Variants in ZFHX3 observed in about 807,000 individuals in gnomAD.
ZFHX3 encodes zinc finger homeobox 3.
A neutral mutation model predicts 279.1 loss-of-function variants in ZFHX3; 42 were observed. The ratio of observed to expected loss-of-function variants is 0.15; its 90% CI spans 0.12 to 0.19. The LOEUF (loss-of-function observed/expected upper bound fraction) is 0.19. Among genes scored for constraint, ZFHX3 ranks in the 10% least tolerant of loss-of-function variants. The pLI, the probability that ZFHX3 is intolerant of heterozygous loss-of-function variation, is 1.00. For synonymous variants in ZFHX3, 2,293 were observed against 1,957.8 expected, an observed-to-expected ratio of 1.17 and a Z score of -4.52; for missense variants, 4,981 against 4,754.0, an observed-to-expected ratio of 1.05 and a Z score of -1.40.
chr16:73,651,009 A>G (rs941690053), intron 2 of ZFHX3, among the ~76,000 whole-genome samples: 1 of 152,240 alleles, frequency 6.6e-6, no homozygotes, highest in African/African-American at 2.4e-5. Flanking sequence ...ATCAAGGTGT[A>G]ATAAACAAAA....
Position 73,118,793 on chromosome 16 carries a change from C to A in ZFHX3, c.-897+12175G>T, listed in dbSNP as rs1966461920. Among the ~76,000 whole-genome samples the A allele has an allele frequency of 3.9e-5, 6 of 152,116 alleles. No individual in the cohort carries two copies. In the South Asian group the frequency reaches 1.2e-3, roughly 32 times the overall value. ...TTTCTGTGGAAGATAGGTATGAGTA[C>A]ATGTTGAGTAGCCAAAGGGGTGCAC... On this transcript the variant is annotated intron_variant, in intron 7 of 17. Coordinates refer to the ZFHX3 transcript ENST00000641206.
intron 2 of ZFHX3, among the ~76,000 whole-genome samples, chr16:73,658,230 G>A (rs2142172466): frequency 6.6e-6 from 1 of 152,254 alleles, no homozygotes; most frequent in South Asian, 2.1e-4. Flanking sequence ...TAAATTCATG[G>A]AAATTTTAAA....
At chr16:73,332,890 T>C (rs906763996) in intron 3 of ZFHX3, among the ~76,000 whole-genome samples, 10 of 152,192 alleles carry the variant, frequency 6.6e-5, no homozygotes, top group Non-Finnish European at 1.3e-4. Context: ...AGAGGCCAAA[T>C]TAGCAACAAA....
At chr16:73,322,642 A>C (rs2143201748) in intron 3 of ZFHX3, among the ~76,000 whole-genome samples, 1 of 152,330 alleles carries the variant, frequency 6.6e-6, no homozygotes, top group East Asian at 1.9e-4. Context: ...ACTGAACTCC[A>C]AATGTGTGGT....
chr16:73,564,213 G>A (rs1480281422), intron 2 of ZFHX3, among the ~76,000 whole-genome samples: 1 of 152,144 alleles, frequency 6.6e-6, no homozygotes, highest in Non-Finnish European at 1.5e-5. Context: ...TGAGTTTGTG[G>A]GAAATAGACG....
At chr16:73,682,375 T>A (rs1272936515) in intron 1 of ZFHX3, among the ~76,000 whole-genome samples, 3 of 152,164 alleles carry the variant, frequency 2.0e-5, no homozygotes, top group Non-Finnish European at 4.4e-5. Flanking sequence ...GGGAATGTTG[T>A]TTTGGAGAAA....
intron 2 of ZFHX3, among the ~76,000 whole-genome samples, chr16:73,568,863 C>T (rs916018533): frequency 6.6e-6 from 1 of 152,004 alleles, no homozygotes; most frequent in Non-Finnish European, 1.5e-5. Context: ...CTCTCCATGC[C>T]CCGCTGTCCG....
intron 2 of ZFHX3, among the ~76,000 whole-genome samples, chr16:73,578,701 G>C (rs952353300): frequency 2.0e-5 from 3 of 151,934 alleles, no homozygotes; most frequent in African/African-American, 7.3e-5. Context: ...TACTCGTTTT[G>C]ACTGAGGCAA....
At chr16:73,425,953 G>T (rs539258449) in intron 3 of ZFHX3, among the ~76,000 whole-genome samples, 12 of 151,776 alleles carry the variant, frequency 7.9e-5, no homozygotes, top group Non-Finnish European at 1.5e-4. Context: ...AAAAAAAAAT[G>T]CTTCTGCTTC....
At chr16:73,051,694 T>G (rs761777206), upstream of ZFHX3, among the ~76,000 whole-genome samples, 1 of 152,238 alleles carries the variant, frequency 6.6e-6, no homozygotes, top group Non-Finnish European at 1.5e-5. Context: ...AGCTGTGATT[T>G]CGGAGAGTTT....
chr16:73,221,667 C>T (rs1172748409), intron 5 of ZFHX3, among the ~76,000 whole-genome samples: 1 of 152,088 alleles, frequency 6.6e-6, no homozygotes, highest in Non-Finnish European at 1.5e-5. Flanking sequence ...TGTTTGTGTA[C>T]ATAAAGTACT....
At chr16:73,036,980 A>G (rs1964929983) in intron 1 of ZFHX3, among the ~76,000 whole-genome samples, 1 of 152,164 alleles carries the variant, frequency 6.6e-6, no homozygotes. Flanking sequence ...TTTGTAGACA[A>G]CATCCAAAAA....
At position 72,786,464 on chromosome 16, in the gene ZFHX3, T is replaced by C. The variant is rs1230730240; in HGVS notation, c.*700A>G. 6 of 150,668 alleles carry C rather than the reference T, an allele frequency of 4.0e-5. No individual in the cohort carries two copies. The highest frequency in any genetic ancestry group is 3.9e-4 in the East Asian group (2 of 5,130). 9.3% of individuals were successfully genotyped at this position (150,668 alleles called of 1,614,324 possible). Reference sequence around the variant, plus strand: ...GAGTGCTTAACTTTTCCCCTTGAAATTGGCTTCAGCAGAAAAGCTATCCTT... The same window carrying C: ...GAGTGCTTAACTTTTCCCCTTGAAACTGGCTTCAGCAGAAAAGCTATCCTT... On this transcript the variant is annotated 3_prime_UTR_variant, in exon 10 of 10. Transcript: ENST00000268489.
intron 2 of ZFHX3, among the ~76,000 whole-genome samples, chr16:73,561,866 C>G (rs1156762906): frequency 6.6e-6 from 1 of 152,152 alleles, no homozygotes; most frequent in Non-Finnish European, 1.5e-5. Flanking sequence ...ATCAGGATGA[C>G]TGGGCTAAGC....
intron 4 of ZFHX3, among the ~76,000 whole-genome samples, chr16:73,287,900 G>A (rs1439543630): frequency 6.6e-6 from 1 of 151,988 alleles, no homozygotes; most frequent in Non-Finnish European, 1.5e-5. Flanking sequence ...GTGTGGGTGT[G>A]AGCCGGCAGC....
At chr16:73,699,831 T>C (rs1192488305) in intron 1 of ZFHX3, among the ~76,000 whole-genome samples, 1 of 152,184 alleles carries the variant, frequency 6.6e-6, no homozygotes, top group Non-Finnish European at 1.5e-5. Flanking sequence ...CCAGTCTGCC[T>C]CAAGTTTGGG....
intron 3 of ZFHX3, among the ~76,000 whole-genome samples, chr16:72,932,368 A>G (rs1959861954): frequency 1.3e-5 from 2 of 152,132 alleles, no homozygotes; most frequent in African/African-American, 2.4e-5. Flanking sequence ...CATAGCCACA[A>G]TGCAGCTGGA....
At chr16:73,324,420 G>A (rs2015639587) in intron 3 of ZFHX3, among the ~76,000 whole-genome samples, 1 of 152,184 alleles carries the variant, frequency 6.6e-6, no homozygotes, top group Non-Finnish European at 1.5e-5. Context: ...CACATGAAGG[G>A]CTGTACTGCC....
intron 3 of ZFHX3, among the ~76,000 whole-genome samples, chr16:73,393,920 G>GAT (rs1330283820): frequency 2.7e-5 from 4 of 145,560 alleles, no homozygotes; most frequent in Non-Finnish European, 4.5e-5. Flanking sequence ...ATGAATATAT[G>GAT]ATATATATAA....
Sources: allele counts gnomAD v4.1 joint callset (sites outside exome capture counted in the v4.1 genomes callset), GRCh38; gene constraint gnomAD v4.1.1; transcripts MANE v1.5; gene names NCBI Gene and HGNC (gene_info 2026-07-23, HGNC 2026-07-21).